The following HECW2 variants were observed in gnomAD, a reference collection of about 807,000 sequenced individuals.
The protein encoded by HECW2 is E3 ubiquitin-protein ligase HECW2.
HECW2 carries 61 observed loss-of-function variants against 175.2 expected under a neutral mutation model. The ratio of observed to expected loss-of-function variants is 0.35; its 90% CI spans 0.28 to 0.43. HECW2 has a LOEUF of 0.43. HECW2 is among the 20% of genes least tolerant of loss of function. HECW2 has a pLI of 1.00. For missense variants in HECW2, 1,524 were observed against 2,000.5 expected, an observed-to-expected ratio of 0.76 and a Z score of 4.54; for synonymous variants, 671 against 731.0, an observed-to-expected ratio of 0.92 and a Z score of 1.32.
chr2:196,540,028 G>A (rs906372420), intron 1 of HECW2, among the ~76,000 whole-genome samples: 4 of 152,212 alleles, frequency 2.6e-5, no homozygotes, highest in African/African-American at 9.6e-5. Flanking sequence ...CGTAGGTACA[G>A]CTGGAGCACT....
chr2:196,418,898 A>G (rs919970811), intron 2 of HECW2, among the ~76,000 whole-genome samples: 2 of 152,238 alleles, frequency 1.3e-5, no homozygotes, highest in African/African-American at 4.8e-5. Context: ...TGTTAAACAA[A>G]CAGATGAATG....
intron 1 of HECW2, among the ~76,000 whole-genome samples, chr2:196,593,147 G>A (rs1691271257): frequency 6.6e-6 from 1 of 151,244 alleles, no homozygotes; most frequent in African/African-American, 2.4e-5. Context: ...GCGACACCCA[G>A]AGCTCTCGAG....
At chr2:196,475,343 G>C (rs1413777240) in intron 1 of HECW2, among the ~76,000 whole-genome samples, 1 of 150,996 alleles carries the variant, frequency 6.6e-6, no homozygotes, top group Non-Finnish European at 1.5e-5. Context: ...GGGAGAGGGA[G>C]GGAGGGGATG....
intron 28 of HECW2, among the ~76,000 whole-genome samples, chr2:196,206,879 A>G (rs150075987): frequency 1.1e-3 from 170 of 152,348 alleles, no homozygotes; most frequent in African/African-American, 4.0e-3. Context: ...CCCTGCATAC[A>G]AACAGTTAAT....
At chr2:196,543,710 T>G (rs1689305919) in intron 1 of HECW2, among the ~76,000 whole-genome samples, 1 of 152,170 alleles carries the variant, frequency 6.6e-6, no homozygotes, top group South Asian at 2.1e-4. Flanking sequence ...CCTGCTGGGT[T>G]CAAGCAATTC....
chr2:196,303,072 C>A (rs1691126462), intron 13 of HECW2, among the ~76,000 whole-genome samples: 1 of 152,144 alleles, frequency 6.6e-6, no homozygotes. Flanking sequence ...GCTCTTATTA[C>A]TTTGAGGTAT....
chr2:196,351,792 G>A (rs113139902), intron 2 of HECW2, among the ~76,000 whole-genome samples: 4 of 152,164 alleles, frequency 2.6e-5, no homozygotes, highest in Admixed American at 6.5e-5. Context: ...GGGTACACTC[G>A]GGAATTAGAT....
chr2:196,343,594 T>G, intron 3 of HECW2, 63 bp downstream of exon 3: 5 of 1,044,180 alleles, frequency 4.8e-6, no homozygotes, highest in Non-Finnish European at 7.3e-6. Flanking sequence ...AAAGACTCCA[T>G]AGAATTCTGC....
intron 1 of HECW2, among the ~76,000 whole-genome samples, chr2:196,545,775 GTTC>G (rs1689397695): frequency 6.6e-6 from 1 of 152,160 alleles, no homozygotes; most frequent in African/African-American, 2.4e-5. Context: ...CTGTTCCCAA[GTTC>G]TTAAGAGGAT....
intron 2 of HECW2, among the ~76,000 whole-genome samples, chr2:196,381,619 C>T (rs1193435144): frequency 6.6e-6 from 1 of 152,030 alleles, no homozygotes; most frequent in African/African-American, 2.4e-5. Context: ...CATTTGCCTC[C>T]TACCAGGAGG....
chr2:196,407,802 T>C (rs1006281513), intron 2 of HECW2, among the ~76,000 whole-genome samples: 1 of 152,218 alleles, frequency 6.6e-6, no homozygotes, highest in Non-Finnish European at 1.5e-5. Context: ...TGTGTTCCTA[T>C]AAAATAAAGT....
chr2:196,353,266 T>A lies in HECW2; in HGVS notation c.293-9502A>T, dbSNP rs994883512. Among the ~76,000 whole-genome samples, 7 of 152,280 alleles carry A rather than the reference T, an allele frequency of 4.6e-5. No homozygotes were observed. In the East Asian group the frequency reaches 1.3e-3, roughly 29 times the overall value. ...TCCCTTCAATTTTGTGGCTTATACA[T>A]CACCTTTTCAATGAGACCTACTCTG... On this transcript the variant is annotated intron_variant, in intron 2 of 28. Transcript: ENST00000644978.
rs1298586869 is a variant in HECW2, at chr2:196,317,350, G to T, written c.2358C>A (p.His786Gln). ...GATGGSQANG[H>Q]QPLRSLPSVR... ...CTGAAGGTAGTGATCGCAGTGGCTG[G>T]TGGCCGTTGGCTTGAGAACCTAGGA... The change falls in exon 10 of 29, where the codon CAC becomes CAA. Residue 786 changes from histidine to glutamine, a missense_variant. Physicochemically the swap from His to Gln is conservative, Grantham distance 24. Transcript: ENST00000644978. 6.2e-7 allele frequency: 1 copy of T among 1,612,946 alleles called. No homozygotes were observed.
chr2:196,342,897 TTATAGA>T (rs1345410865), intron 3 of HECW2, among the ~76,000 whole-genome samples: 1 of 151,900 alleles, frequency 6.6e-6, no homozygotes, highest in Non-Finnish European at 1.5e-5. Flanking sequence ...TAAATATTAA[TTATAGA>T]TATAAAGGGT....
At chr2:196,217,164 G>T in intron 26 of HECW2, 71 bp from the exon 27 acceptor site, 1 of 1,040,380 alleles carries the variant, frequency 9.6e-7, no homozygotes. Flanking sequence ...TACGTGACAC[G>T]AAGAGTCCCC....
chr2:196,373,180 C>T (rs928094821), intron 2 of HECW2, among the ~76,000 whole-genome samples: 16 of 152,178 alleles, frequency 1.1e-4, no homozygotes, highest in Admixed American at 4.6e-4. Flanking sequence ...GATAGTCCAC[C>T]AGGAAGGCAG....
Position 196,211,178 on chromosome 2 carries a change from G to A in HECW2, c.4607+4687C>T, listed in dbSNP as rs1012485589. Among the ~76,000 whole-genome samples the A allele has an allele frequency of 2.2e-4, 33 of 152,114 alleles. 1 individual carries two copies. Among genetic ancestry groups the A allele is most frequent in the Middle Eastern group, 6.8e-3 (2 of 294 alleles). On this transcript the variant is annotated intron_variant, in intron 28 of 28. Transcript: ENST00000644978. ...GACGATTGCAGCTCTCAGGTCCTCCGTCCCATCACCCAACTTGGCAAGAAC... is the reference window on the plus strand; with the variant it reads ...GACGATTGCAGCTCTCAGGTCCTCCATCCCATCACCCAACTTGGCAAGAAC...
At position 196,492,483 on chromosome 2, in the gene HECW2, A is replaced by G. The variant is rs561128275; in HGVS notation, c.-35-59025T>C. On this transcript the variant is annotated intron_variant, in intron 1 of 28. Transcript: ENST00000644978. Reference sequence around the variant, plus strand: ...AGAGTAAATAGGAAAAAAAATTCACATAGTCCATAAAGTGTCAGCCTGTTA... The same window carrying G: ...AGAGTAAATAGGAAAAAAAATTCACGTAGTCCATAAAGTGTCAGCCTGTTA... Among the ~76,000 whole-genome samples the G allele has an allele frequency of 5.3e-5, 8 of 152,320 alleles. No homozygotes were observed. In the East Asian group the frequency reaches 5.8e-4, roughly 11 times the overall value.
rs756320580 is a variant in HECW2 at position 196,306,607 on chromosome 2, G to A, written c.2695C>T (p.Arg899Ter). 1.9e-6 allele frequency: 3 copies of A among 1,610,932 alleles called. No homozygotes were observed. Among genetic ancestry groups the A allele is most frequent in the Non-Finnish European group, 1.7e-6 (2 of 1,178,556 alleles). Residue 899 changes from arginine to a stop codon, truncating the protein, a stop_gained, in exon 13 of 29, where the codon CGA becomes TGA. Transcript: ENST00000644978. LOFTEE classifies it high-confidence loss of function. ...ADFHQASADF[R>*]RENILPHSTS... The stretch of plus-strand genomic sequence containing the variant: ...GAGTGAGGCAGGATGTTCTCCCGTC[G>A]GAAATCTAGATGGGGCAGACCACAG...
Sources: allele counts gnomAD v4.1 joint callset (sites outside exome capture counted in the v4.1 genomes callset), GRCh38; gene constraint gnomAD v4.1.1; transcripts MANE v1.5; gene names NCBI Gene and HGNC (gene_info 2026-07-23, HGNC 2026-07-21).